The following TRAPPC12 variants were observed in gnomAD, a reference collection of about 807,000 sequenced individuals.
TRAPPC12 encodes trafficking protein particle complex subunit 12.
In TRAPPC12, 61 loss-of-function variants were observed where a neutral mutation model predicts 69.2. The observed-to-expected ratio is 0.88, with a 90% CI of 0.72 to 1.09. The LOEUF (loss-of-function observed/expected upper bound fraction) is 1.09, where lower values mean the gene tolerates loss of function less well. Among genes scored for constraint, TRAPPC12 ranks in the 50% least tolerant of loss-of-function variants. The pLI, the probability that TRAPPC12 is intolerant of heterozygous loss-of-function variation, is 0.00. For missense variants in TRAPPC12, 1,101 were observed against 1,016.4 expected (o/e 1.08, Z -1.13); for synonymous variants, 469 against 438.9 (o/e 1.07, Z -0.86).
chr2:3,388,077 C>G lies in TRAPPC12; in HGVS notation c.454C>G (p.Pro152Ala). 6.5e-7 allele frequency: 1 copy of G among 1,533,906 alleles called. No homozygotes were observed. Among genetic ancestry groups the G allele is most frequent in the Non-Finnish European group, 8.7e-7 (1 of 1,145,400 alleles). ...SEAARPEQEP[P>A]VAEPVPVCTI... is the part of the protein sequence containing the mutation. ...AGCCGCGCGCCCGGAGCAGGAGCCT[C>G]CCGTTGCGGAGCCGGTCCCGGTGTG... Residue 152 changes from proline (P) to alanine (A), a missense_variant, in exon 2 of 12, where the codon CCC (proline) becomes GCC (alanine). Coordinates refer to ENST00000324266, the MANE Select transcript of TRAPPC12 (RefSeq NM_016030.6).
intron 10 of TRAPPC12, chr2:3,478,595 C>T (rs1666400464): frequency 2.6e-6 from 1 of 386,090 alleles, no homozygotes; most frequent in Non-Finnish European, 4.7e-6. Context: ...GATCGTGCCA[C>T]TGCACTACAG....
chr2:3,429,925 C>T (rs546944322), intron 5 of TRAPPC12, among the ~76,000 whole-genome samples: 2 of 152,266 alleles, frequency 1.3e-5, no homozygotes, highest in East Asian at 1.9e-4. Context: ...GCCTGTGAAC[C>T]TCCTCCCAAT....
At chr2:3,403,091 A>G (rs556344923) in intron 3 of TRAPPC12, among the ~76,000 whole-genome samples, 1 of 152,298 alleles carries the variant, frequency 6.6e-6, no homozygotes, top group South Asian at 2.1e-4. Context: ...TGGGTGAACA[A>G]TCTGGAGGAC....
chr2:3,413,819 T>C (rs147601380), intron 3 of TRAPPC12, among the ~76,000 whole-genome samples: 23 of 152,352 alleles, frequency 1.5e-4, no homozygotes, highest in African/African-American at 4.3e-4. Flanking sequence ...CTGTAAGTGT[T>C]TAAAAGGTGT....
chr2:3,461,203 C>T (rs1389381890), intron 8 of TRAPPC12, among the ~76,000 whole-genome samples: 3 of 152,224 alleles, frequency 2.0e-5, no homozygotes, highest in Non-Finnish European at 4.4e-5. Flanking sequence ...CCTGAAGTGG[C>T]AGCCCTGCTT....
At chr2:3,402,916 C>A (rs1661527071) in intron 3 of TRAPPC12, among the ~76,000 whole-genome samples, 1 of 152,158 alleles carries the variant, frequency 6.6e-6, no homozygotes, top group South Asian at 2.1e-4. Context: ...GCCATGCTCC[C>A]ATGCCTGCAT....
intron 10 of TRAPPC12, 121 bp downstream of exon 10, chr2:3,477,916 T>C: frequency 1.7e-6 from 1 of 581,716 alleles, no homozygotes; most frequent in Non-Finnish European, 3.0e-6. Flanking sequence ...TCTTGCCCTG[T>C]GTCTCTCAGA....
intron 7 of TRAPPC12, chr2:3,459,970 G>A (rs559019143): frequency 1.6e-5 from 8 of 491,962 alleles, no homozygotes; most frequent in South Asian, 6.4e-5. Flanking sequence ...CTTTGGAAAC[G>A]GGGCCCCCGG....
chr2:3,409,740 A>G (rs1478354030), intron 3 of TRAPPC12, among the ~76,000 whole-genome samples: 5 of 121,350 alleles, frequency 4.1e-5, no homozygotes, highest in African/African-American at 6.2e-5. Context: ...ACAAAGCAAG[A>G]CTTTGTCTTT....
chr2:3,463,188 T>A (rs967834943), intron 8 of TRAPPC12: 2 of 295,702 alleles, frequency 6.8e-6, no homozygotes, highest in African/African-American at 4.5e-5. Context: ...TCCTCTTCAG[T>A]AAATAAAGTC....
chr2:3,403,179 G>C (rs1192263503), intron 3 of TRAPPC12, among the ~76,000 whole-genome samples: 1 of 147,356 alleles, frequency 6.8e-6, no homozygotes, highest in Non-Finnish European at 1.5e-5. Flanking sequence ...TCCCCATCTT[G>C]TTTTTCTCAA....
At chr2:3,454,261 T>C (rs1665011293) in intron 6 of TRAPPC12, among the ~76,000 whole-genome samples, 1 of 151,670 alleles carries the variant, frequency 6.6e-6, no homozygotes, top group Non-Finnish European at 1.5e-5. Context: ...CCCTCCCAGC[T>C]GGGTAGGTGG....
chr2:3,477,832 T>C, intron 10 of TRAPPC12, 37 bp downstream of exon 10: 1 of 1,474,044 alleles, frequency 6.8e-7, no homozygotes. Flanking sequence ...TTTTCTCAAA[T>C]TTCCCAGAGG....
chr2:3,469,921 C>T (rs1435010120), intron 9 of TRAPPC12, among the ~76,000 whole-genome samples: 2 of 152,198 alleles, frequency 1.3e-5, no homozygotes, highest in Non-Finnish European at 2.9e-5. Flanking sequence ...AGATTGATTT[C>T]GTTTCTCTGA....
At chr2:3,421,717 C>G (rs1469449444) in intron 3 of TRAPPC12, 164 bp from the exon 4 acceptor site, 1 of 726,564 alleles carries the variant, frequency 1.4e-6, no homozygotes, top group Non-Finnish European at 2.5e-6. Flanking sequence ...AAATGGCATG[C>G]CCCTCCGTGC....
chr2:3,449,687 A>G (rs1187424415), intron 6 of TRAPPC12, among the ~76,000 whole-genome samples: 1 of 152,186 alleles, frequency 6.6e-6, no homozygotes, highest in East Asian at 1.9e-4. Context: ...ATAAGTGAGA[A>G]CAGGCGTGGC....
intron 5 of TRAPPC12, among the ~76,000 whole-genome samples, chr2:3,440,260 C>T (rs1028345829): frequency 1.3e-5 from 2 of 152,084 alleles, no homozygotes; most frequent in Non-Finnish European, 2.9e-5. Flanking sequence ...GGGGCTGCAT[C>T]GAATCTGTAG....
chr2:3,424,461 A>G, intron 4 of TRAPPC12, 64 bp from the exon 5 acceptor site: 2 of 1,483,934 alleles, frequency 1.3e-6, no homozygotes, highest in East Asian at 2.3e-5. Context: ...ACTCATAAGG[A>G]ATAGCAAATT....
At chr2:3,439,586 A>C (rs1251014737) in intron 5 of TRAPPC12, among the ~76,000 whole-genome samples, 1 of 151,872 alleles carries the variant, frequency 6.6e-6, no homozygotes, top group African/African-American at 2.4e-5. Flanking sequence ...GTTGAATACA[A>C]GTTCTTTATC....
Sources: gnomAD v4.1 joint callset for allele counts (sites outside exome capture counted in the v4.1 genomes callset) on GRCh38, gnomAD v4.1.1 for gene constraint, MANE v1.5 for transcripts, NCBI Gene and HGNC (gene_info 2026-07-23, HGNC 2026-07-21) for gene names.